The following ANXA7 variants were observed in gnomAD, a reference collection of about 807,000 sequenced individuals.
The protein encoded by ANXA7 is annexin VII.
In ANXA7, 55 loss-of-function variants were observed where a neutral mutation model predicts 64.9. The observed-to-expected ratio is 0.85, with a 90% CI of 0.68 to 1.06. The LOEUF (loss-of-function observed/expected upper bound fraction) is 1.06. Ranked by LOEUF, ANXA7 falls within the 50% of genes least tolerant of loss-of-function variation. ANXA7 has a pLI of 0.00. For missense variants in ANXA7, 548 were observed against 582.1 expected (o/e 0.94, Z 0.60); for synonymous variants, 200 against 192.4 (o/e 1.04, Z -0.33).
chr10:73,383,715 A>C, intron 7 of ANXA7, 25 bp from the exon 8 acceptor site: 2 of 1,418,310 alleles, frequency 1.4e-6, no homozygotes, highest in Non-Finnish European at 2.0e-6. Flanking sequence ...ATACAAGCTA[A>C]GTATATGTGT....
chr10:73,411,713 T>C (rs1645827141), intron 1 of ANXA7, among the ~76,000 whole-genome samples: 2 of 151,742 alleles, frequency 1.3e-5, no homozygotes, highest in Non-Finnish European at 2.9e-5. Flanking sequence ...ATTACAGGCG[T>C]GAGCCACTGT....
intron 7 of ANXA7, among the ~76,000 whole-genome samples, chr10:73,386,209 A>C (rs1286214893): frequency 2.7e-5 from 4 of 147,836 alleles, no homozygotes; most frequent in Non-Finnish European, 1.5e-5. Context: ...TGTCTCAAAA[A>C]AAAGTAAAAA....
At chr10:73,400,656 A>G in intron 2 of ANXA7, 147 bp downstream of exon 2, 2 of 504,390 alleles carry the variant, frequency 4.0e-6, no homozygotes, top group East Asian at 3.7e-5. Context: ...CTAGTCCCCC[A>G]CACAATTGCC....
chr10:73,384,699 C>G (rs1291956158), intron 7 of ANXA7, among the ~76,000 whole-genome samples: 1 of 151,878 alleles, frequency 6.6e-6, no homozygotes, highest in Non-Finnish European at 1.5e-5. Flanking sequence ...CTGTGCCCAG[C>G]CGATATTGTT....
chr10:73,407,798 A>T (rs1244566424), intron 1 of ANXA7, among the ~76,000 whole-genome samples: 1 of 152,212 alleles, frequency 6.6e-6, no homozygotes, highest in African/African-American at 2.4e-5. Flanking sequence ...ACAGGATAGA[A>T]GCTAAAAATG....
At chr10:73,412,015 C>T (rs1359125788) in intron 1 of ANXA7, among the ~76,000 whole-genome samples, 2 of 152,128 alleles carry the variant, frequency 1.3e-5, no homozygotes. Context: ...AGAGCTGGGA[C>T]ACAATGGAGA....
At chr10:73,406,480 C>A (rs1564534612) in intron 1 of ANXA7, among the ~76,000 whole-genome samples, 3 of 152,160 alleles carry the variant, frequency 2.0e-5, no homozygotes, top group Non-Finnish European at 4.4e-5. Context: ...CTCTTCAGCT[C>A]AAAAATCATC....
chr10:73,393,551 A>G (rs1269666754), intron 5 of ANXA7, among the ~76,000 whole-genome samples: 2 of 152,146 alleles, frequency 1.3e-5, no homozygotes, highest in Non-Finnish European at 2.9e-5. Context: ...CAGAAGTAAT[A>G]CCACACATCT....
intron 7 of ANXA7, among the ~76,000 whole-genome samples, chr10:73,385,541 T>C (rs968104153): frequency 1.3e-5 from 2 of 152,088 alleles, no homozygotes; most frequent in South Asian, 2.1e-4. Context: ...AAGAAAAACA[T>C]GGACTCAAAG....
At chr10:73,392,661 C>T (rs2055504715) in intron 5 of ANXA7, among the ~76,000 whole-genome samples, 1 of 152,196 alleles carries the variant, frequency 6.6e-6, no homozygotes, top group Non-Finnish European at 1.5e-5. Context: ...GCACTTCATG[C>T]TGAAAACCCT....
rs894263295 is a variant in ANXA7, at chr10:73,400,264, C to T, written c.54+539G>A. On this transcript the variant is annotated intron_variant, in intron 2 of 12. Coordinates refer to ENST00000372921, the MANE Select transcript of ANXA7 (RefSeq NM_001156.5). ...GGAACTTAGTAGCACATTTATAAAA[C>T]GTACTCCAAGTCTAAGAACTACAAA... Among the ~76,000 whole-genome samples, 7 of 152,120 alleles carry T rather than the reference C, an allele frequency of 4.6e-5. No individual in the cohort carries two copies. In the East Asian group the frequency reaches 5.8e-4, roughly 13 times the overall value.
At chr10:73,397,342 A>G (rs1589659283) in intron 3 of ANXA7, 68 bp from the exon 4 acceptor site, 1 of 904,650 alleles carries the variant, frequency 1.1e-6, no homozygotes, top group Non-Finnish European at 1.7e-6. Flanking sequence ...CTTTAGAAAA[A>G]TATCTATTGT....
At chr10:73,377,102 T>A (rs2055182672) in intron 12 of ANXA7, among the ~76,000 whole-genome samples, 1 of 152,212 alleles carries the variant, frequency 6.6e-6, no homozygotes. Context: ...GATGGTTGCA[T>A]AACAATGTGA....
At chr10:73,402,163 G>T (rs866575251) in intron 1 of ANXA7, among the ~76,000 whole-genome samples, 1 of 152,018 alleles carries the variant, frequency 6.6e-6, no homozygotes, top group Non-Finnish European at 1.5e-5. Flanking sequence ...TCACATATAC[G>T]TGGATTAAAC....
Position 73,376,031 on chromosome 10 carries a change from T to C in ANXA7, c.*64A>G. ...GATGTTTGATATTGCTGCATGCAGG[T>C]CATTGCTCTGAAGGATAAGCTATGA... is the stretch of plus-strand genomic sequence containing the variant. On this transcript the variant is annotated 3_prime_UTR_variant, in exon 13 of 13. Transcript: ENST00000372921. The C allele has an allele frequency of 2.2e-6, 3 of 1,366,950 alleles. No homozygotes were observed. In the South Asian group the frequency reaches 4.7e-5, roughly 21 times the overall value. The allele number at this position is 1,366,950 out of a possible 1,614,324, so 84.7% of individuals were successfully genotyped here. A position where few individuals can be genotyped will look rare whatever the true frequency, so the allele number is the denominator to read the frequency against.
intron 1 of ANXA7, among the ~76,000 whole-genome samples, chr10:73,413,516 C>A (rs2055876738): frequency 6.6e-6 from 1 of 152,184 alleles, no homozygotes; most frequent in South Asian, 2.1e-4. Flanking sequence ...GAATAGCTTC[C>A]AAGAACTGTA....
intron 1 of ANXA7, among the ~76,000 whole-genome samples, chr10:73,401,109 T>C (rs1472654822): frequency 2.0e-5 from 3 of 152,090 alleles, no homozygotes; most frequent in Admixed American, 1.3e-4. Flanking sequence ...TTTCACCATG[T>C]TGGCCAGGAT....
chr10:73,387,026 C>T (rs941079788), intron 7 of ANXA7, among the ~76,000 whole-genome samples: 4 of 152,246 alleles, frequency 2.6e-5, no homozygotes, highest in Admixed American at 1.3e-4. Flanking sequence ...AAGCAGAAGG[C>T]GATGCCCAGG....
Position 73,376,910 on chromosome 10 carries a change from C to G in ANXA7, c.1279-693G>C, listed in dbSNP as rs193118759. On this transcript the variant is annotated intron_variant, in intron 12 of 12. Coordinates refer to ENST00000372921, the MANE Select transcript of ANXA7 (RefSeq NM_001156.5). ...TATGCTAAGTAAAAGACAACACTCA[C>G]AAAAAGACAAATATTGTATGATTCC... Among the ~76,000 whole-genome samples, 16 of 152,236 alleles carry G rather than the reference C, an allele frequency of 1.1e-4. No individual in the cohort carries two copies. In the East Asian group the frequency reaches 3.1e-3, roughly 29 times the overall value.
Sources: allele counts gnomAD v4.1 joint callset (sites outside exome capture counted in the v4.1 genomes callset), GRCh38; gene constraint gnomAD v4.1.1; transcripts MANE v1.5; gene names NCBI Gene and HGNC (gene_info 2026-07-23, HGNC 2026-07-21).